Variants in MBD5 observed in about 807,000 individuals in gnomAD.
The protein encoded by MBD5 is methyl-CpG binding domain protein 5.
In MBD5, 13 loss-of-function variants were observed where a neutral mutation model predicts 117.3. That is an observed-to-expected ratio of 0.11 (90% confidence interval 0.07 to 0.18). MBD5 has a LOEUF of 0.18. Among genes scored for constraint, MBD5 ranks in the 10% least tolerant of loss-of-function variants. The pLI, the probability that MBD5 is intolerant of heterozygous loss-of-function variation, is 1.00. For synonymous variants in MBD5, 727 were observed against 766.4 expected (o/e 0.95, Z 0.85); for missense variants, 1,879 against 2,093.8 (o/e 0.90, Z 2.00).
chr2:148,351,424 G>T (rs926767575), intron 4 of MBD5, among the ~76,000 whole-genome samples: 1 of 151,916 alleles, frequency 6.6e-6, no homozygotes, highest in Non-Finnish European at 1.5e-5. Context: ...CATCCATACT[G>T]TACAGGAATC....
Position 148,270,687 on chromosome 2 carries a change from C to A in MBD5, c.-680+37292C>A, listed in dbSNP as rs546496142. 3.3e-5 allele frequency among the ~76,000 whole-genome samples: 5 copies of A among 152,204 alleles called. No homozygotes were observed. In the East Asian group the frequency reaches 9.7e-4, roughly 29 times the overall value. On this transcript the variant is annotated intron_variant, in intron 3 of 13. Transcript: ENST00000642680. ...TACAGGTGTCAGCCGCCATGTTTGG[C>A]CTCACAACTTTGTCTTCTGACTTTC...
chr2:148,456,084 A>G lies in MBD5; in HGVS notation c.-556-2119A>G, dbSNP rs557772437. Reference sequence around the variant, plus strand: ...TTTCCTTTTTGTTCTTCCACATTGAATAGCTCATTAGTGCCAAATATTACA... The same window carrying G: ...TTTCCTTTTTGTTCTTCCACATTGAGTAGCTCATTAGTGCCAAATATTACA... On this transcript the variant is annotated intron_variant, in intron 4 of 13. Transcript: ENST00000642680. Among the ~76,000 whole-genome samples the G allele has an allele frequency of 3.3e-5, 5 of 152,302 alleles. No individual in the cohort carries two copies. The East Asian group carries it at 9.7e-4, about 29-fold the overall frequency.
intron 3 of MBD5, among the ~76,000 whole-genome samples, chr2:148,304,640 A>G (rs1701847124): frequency 6.6e-6 from 1 of 152,158 alleles, no homozygotes; most frequent in African/African-American, 2.4e-5. Flanking sequence ...ATTGGGCCCA[A>G]CTCTAACTCC....
intron 4 of MBD5, among the ~76,000 whole-genome samples, chr2:148,434,873 C>G (rs1258348639): frequency 2.6e-5 from 4 of 152,134 alleles, no homozygotes; most frequent in Admixed American, 1.3e-4. Context: ...GAATCTACAC[C>G]TCTTCATAGG....
intron 3 of MBD5, among the ~76,000 whole-genome samples, chr2:148,329,074 A>T (rs1350462540): frequency 6.6e-6 from 1 of 152,210 alleles, no homozygotes; most frequent in East Asian, 1.9e-4. Flanking sequence ...AGGTAATGAT[A>T]ATAGAGGGTG....
intron 3 of MBD5, among the ~76,000 whole-genome samples, chr2:148,338,370 G>A (rs1702850037): frequency 1.3e-5 from 2 of 151,904 alleles, no homozygotes; most frequent in Non-Finnish European, 2.9e-5. Flanking sequence ...CCAGCCTTAT[G>A]TGTCTGTCAT....
chr2:148,246,065 TA>T (rs1342465820), intron 3 of MBD5, among the ~76,000 whole-genome samples: 3 of 152,318 alleles, frequency 2.0e-5, no homozygotes, highest in Admixed American at 1.3e-4. Context: ...TCATTAATGA[TA>T]GAAATTGCTG....
chr2:148,466,282 A>C (rs1421036817), intron 7 of MBD5, among the ~76,000 whole-genome samples: 1 of 152,160 alleles, frequency 6.6e-6, no homozygotes, highest in Non-Finnish European at 1.5e-5. Context: ...ATGGGTGCCT[A>C]GCATTTCCAC....
At chr2:148,250,219 C>G (rs534407579) in intron 3 of MBD5, among the ~76,000 whole-genome samples, 14 of 152,198 alleles carry the variant, frequency 9.2e-5, no homozygotes, top group Non-Finnish European at 1.9e-4. Context: ...GAACAGAAAA[C>G]CAAATACCAC....
chr2:148,345,635 GTATATACACGTATACATATA>G (rs1703104415), intron 4 of MBD5, among the ~76,000 whole-genome samples: 1 of 104,006 alleles, frequency 9.6e-6, no homozygotes, highest in Non-Finnish European at 2.2e-5. Context: ...ACATACATAT[GTATATACACGTATACATATA>G]CATATGTATA....
chr2:148,360,858 T>C (rs1053844233), intron 4 of MBD5, among the ~76,000 whole-genome samples: 1 of 152,212 alleles, frequency 6.6e-6, no homozygotes, highest in African/African-American at 2.4e-5. Context: ...AATGTTTTTA[T>C]ATTTCAGTTA....
intron 11 of MBD5, among the ~76,000 whole-genome samples, chr2:148,502,188 A>G (rs148418182): frequency 2.4e-3 from 368 of 152,298 alleles, no homozygotes; most frequent in African/African-American, 8.4e-3. Flanking sequence ...TTTTATTCCC[A>G]AAATATTATT....
chr2:148,103,114 A>G (rs2105309439), intron 1 of MBD5, among the ~76,000 whole-genome samples: 1 of 152,286 alleles, frequency 6.6e-6, no homozygotes, highest in East Asian at 1.9e-4. Context: ...TTCCTCAGAT[A>G]TCCATGTAAG....
At chr2:148,497,018 C>T (rs899872924) in intron 11 of MBD5, among the ~76,000 whole-genome samples, 2 of 151,858 alleles carry the variant, frequency 1.3e-5, no homozygotes, top group African/African-American at 4.8e-5. Flanking sequence ...CTTAAGTTAG[C>T]AGAAATTTTT....
At chr2:148,236,383 T>C (rs2839755) in intron 3 of MBD5, among the ~76,000 whole-genome samples, 45,645 of 152,028 alleles carry the variant, frequency 0.3, 7,348 homozygotes, top group South Asian at 0.43. Context: ...TGAAAGTCGA[T>C]GGACTTTTCA....
chr2:148,273,212 CA>C (rs1306826511), intron 3 of MBD5, among the ~76,000 whole-genome samples: 3 of 152,136 alleles, frequency 2.0e-5, no homozygotes, highest in Non-Finnish European at 4.4e-5. Context: ...GGGCATCGGT[CA>C]AACTGTGCAC....
chr2:148,112,061 G>C (rs1312051219), intron 1 of MBD5, among the ~76,000 whole-genome samples: 1 of 152,086 alleles, frequency 6.6e-6, no homozygotes, highest in Non-Finnish European at 1.5e-5. Context: ...AGCAACAACT[G>C]TACATATACA....
At chr2:148,341,692 T>G (rs954482473) in intron 3 of MBD5, among the ~76,000 whole-genome samples, 1 of 151,952 alleles carries the variant, frequency 6.6e-6, no homozygotes, top group African/African-American at 2.4e-5. Context: ...AGAGTAGGTT[T>G]GAAGTTAGAC....
intron 4 of MBD5, among the ~76,000 whole-genome samples, chr2:148,385,079 A>G (rs187655345): frequency 6.6e-6 from 1 of 152,326 alleles, no homozygotes; most frequent in African/African-American, 2.4e-5. Context: ...TAAAACACCA[A>G]AAGCAATGGC....
Sources: gnomAD v4.1 joint callset for allele counts (sites outside exome capture counted in the v4.1 genomes callset) on GRCh38, gnomAD v4.1.1 for gene constraint, MANE v1.5 for transcripts, NCBI Gene and HGNC (gene_info 2026-07-23, HGNC 2026-07-21) for gene names.